The following GDPD4 variants were observed in gnomAD, a reference collection of about 807,000 sequenced individuals.
GDPD4 encodes glycerophosphodiester phosphodiesterase 6.
Under a neutral mutation model 67.8 loss-of-function variants are expected in GDPD4, and 60 were observed. The ratio of observed to expected loss-of-function variants is 0.88; its 90% CI spans 0.72 to 1.10. The LOEUF (loss-of-function observed/expected upper bound fraction) is 1.10, where lower values mean the gene tolerates loss of function less well. Ranked by LOEUF, GDPD4 falls within the 50% of genes least tolerant of loss-of-function variation. GDPD4 has a pLI of 0.00. For missense variants in GDPD4, 623 were observed against 613.9 expected (o/e 1.01, Z -0.16); for synonymous variants, 212 against 210.9 (o/e 1.00, Z -0.04).
At chr11:77,269,398 A>C (rs1434499320) in intron 8 of GDPD4, among the ~76,000 whole-genome samples, 1 of 152,150 alleles carries the variant, frequency 6.6e-6, no homozygotes, top group East Asian at 1.9e-4. Flanking sequence ...CAGGAGGAGG[A>C]GGAGCTTGGC....
chr11:77,290,783 A>G (rs138083383), intron 1 of GDPD4, among the ~76,000 whole-genome samples: 1 of 152,292 alleles, frequency 6.6e-6, no homozygotes, highest in Non-Finnish European at 1.5e-5. Context: ...AAAATGTTCA[A>G]TATCACTAAT....
intron 13 of GDPD4, among the ~76,000 whole-genome samples, chr11:77,240,130 TA>T (rs33975580): frequency 6.6e-6 from 1 of 150,546 alleles, no homozygotes; most frequent in Non-Finnish European, 1.5e-5. Context: ...TTCACAGAAA[TA>T]AAAAAAAAAT....
At chr11:77,277,292 A>G (rs938346782) in intron 4 of GDPD4, among the ~76,000 whole-genome samples, 1 of 151,378 alleles carries the variant, frequency 6.6e-6, no homozygotes, top group African/African-American at 2.4e-5. Context: ...CAACATCAAG[A>G]ATAATTTTCC....
intron 11 of GDPD4, among the ~76,000 whole-genome samples, chr11:77,250,255 G>A (rs146918562): frequency 6.6e-6 from 1 of 152,136 alleles, no homozygotes; most frequent in African/African-American, 2.4e-5. Context: ...TCCTCCTTCA[G>A]TAGTCCCAAT....
chr11:77,245,433 G>A lies in GDPD4; in HGVS notation c.934C>T (p.Pro312Ser), dbSNP rs772519926. 4.3e-6 allele frequency: 7 copies of A among 1,614,046 alleles called. 1 individual carries two copies. The South Asian group carries it at 7.7e-5, about 18-fold the overall frequency. ...AGTGTCAATAAATCAGCTAGTGTTG[G>A]AATTGACTGATTTCTTGCTCTTTCT... ...DKERARNQSI[P>S]TLADLLTLAE... Residue 312 changes from proline to serine, a missense_variant, in exon 12 of 17, where the codon CCA (proline) becomes TCA (serine). Pro to Ser is a moderately conservative substitution (Grantham distance 74). Coordinates refer to ENST00000315938, the MANE Select transcript of GDPD4 (RefSeq NM_182833.3).
At chr11:77,229,604 C>T (rs1324051096) in intron 14 of GDPD4, among the ~76,000 whole-genome samples, 1 of 152,198 alleles carries the variant, frequency 6.6e-6, no homozygotes, top group African/African-American at 2.4e-5. Context: ...GCTTCTCAAA[C>T]CTGGCTGTGC....
chr11:77,280,991 G>C (rs1295532210), intron 3 of GDPD4, among the ~76,000 whole-genome samples: 1 of 152,222 alleles, frequency 6.6e-6, no homozygotes, highest in Non-Finnish European at 1.5e-5. Flanking sequence ...TACTCTATGT[G>C]AATGTGTCCA....
At chr11:77,227,597 T>C (rs1958368092) in intron 16 of GDPD4, among the ~76,000 whole-genome samples, 1 of 152,204 alleles carries the variant, frequency 6.6e-6, no homozygotes, top group Non-Finnish European at 1.5e-5. Flanking sequence ...GTATGATACA[T>C]GAATATATGA....
At chr11:77,295,391 G>C (rs1260122315) in intron 1 of GDPD4, among the ~76,000 whole-genome samples, 1 of 152,044 alleles carries the variant, frequency 6.6e-6, no homozygotes, top group East Asian at 1.9e-4. Context: ...CAGCACTTTG[G>C]GAGGCTGAGG....
At chr11:77,217,673 T>TTGTC (rs1958150383) in intron 16 of GDPD4, among the ~76,000 whole-genome samples, 1 of 152,206 alleles carries the variant, frequency 6.6e-6, no homozygotes, top group Admixed American at 6.5e-5. Flanking sequence ...GGCAGAGACT[T>TTGTC]TGTCTTGTTT....
chr11:77,239,322 A>G (rs1393891089), intron 13 of GDPD4, among the ~76,000 whole-genome samples: 1 of 152,322 alleles, frequency 6.6e-6, no homozygotes, highest in East Asian at 1.9e-4. Flanking sequence ...TCTTTTTGAC[A>G]TAGTACTGTC....
At chr11:77,234,682 C>T (rs1175449068) in intron 13 of GDPD4, among the ~76,000 whole-genome samples, 2 of 152,196 alleles carry the variant, frequency 1.3e-5, no homozygotes, top group Non-Finnish European at 2.9e-5. Context: ...TGATTTCATT[C>T]TTTCTTATGG....
At chr11:77,223,842 G>T (rs1958274578) in intron 16 of GDPD4, among the ~76,000 whole-genome samples, 1 of 152,128 alleles carries the variant, frequency 6.6e-6, no homozygotes, top group Non-Finnish European at 1.5e-5. Flanking sequence ...AGCTCCGGTG[G>T]GCTCCACCTA....
At chr11:77,227,573 T>C in intron 16 of GDPD4, among the ~76,000 whole-genome samples, 1 of 152,212 alleles carries the variant, frequency 6.6e-6, no homozygotes, top group Non-Finnish European at 1.5e-5. Context: ...GCACAAAGTG[T>C]GGACTCAGTG....
intron 11 of GDPD4, among the ~76,000 whole-genome samples, chr11:77,253,608 A>C (rs1478312528): frequency 6.6e-6 from 1 of 152,052 alleles, no homozygotes; most frequent in African/African-American, 2.4e-5. Context: ...GAAGGGTACT[A>C]TGTTAGCTCA....
At chr11:77,269,165 GTCCA>G in intron 8 of GDPD4, 96 bp from the exon 9 acceptor site, 2 of 1,087,394 alleles carry the variant, frequency 1.8e-6, no homozygotes, top group Non-Finnish European at 2.7e-6. Context: ...TAAACCCACA[GTCCA>G]TGGGTTTCAT....
chr11:77,235,009 G>GTGTTT (rs1413310722), intron 13 of GDPD4, among the ~76,000 whole-genome samples: 18 of 52,264 alleles, frequency 3.4e-4, no homozygotes, highest in African/African-American at 1.1e-3. Context: ...GTCAATATCT[G>GTGTTT]TTTTTTTTTT....
chr11:77,233,973 G>A (rs1958502542), intron 13 of GDPD4, among the ~76,000 whole-genome samples: 1 of 152,110 alleles, frequency 6.6e-6, no homozygotes. Flanking sequence ...AATAAGTGGA[G>A]GAACACCTAG....
In GDPD4 at chr11:77,261,357, C is replaced by A. The variant is rs181748127; in HGVS notation, c.708-2815G>T. On this transcript the variant is annotated intron_variant, in intron 10 of 16. Coordinates refer to ENST00000315938, the MANE Select transcript of GDPD4 (RefSeq NM_182833.3). ...GGTTCAAGTGATTCTCCTGCCTCAG[C>A]CTCCCGAGTAGCTGGGATTACAGGT... is the stretch of plus-strand genomic sequence containing the variant. Among the ~76,000 whole-genome samples the A allele has an allele frequency of 9.2e-5, 14 of 152,208 alleles. 1 individual carries two copies. The highest frequency in any genetic ancestry group is 9.2e-4 in the Admixed American group (14 of 15,292).
Sources: gnomAD v4.1 joint callset for allele counts (sites outside exome capture counted in the v4.1 genomes callset) on GRCh38, gnomAD v4.1.1 for gene constraint, MANE v1.5 for transcripts, NCBI Gene and HGNC (gene_info 2026-07-23, HGNC 2026-07-21) for gene names.